Variants in KMT2C observed in about 807,000 individuals in gnomAD.
The protein encoded by KMT2C is lysine methyltransferase 2C.
KMT2C carries 88 observed loss-of-function variants against 507.9 expected under a neutral mutation model. The observed-to-expected ratio is 0.17, with a 90% CI of 0.15 to 0.21. The LOEUF (loss-of-function observed/expected upper bound fraction) is 0.21, where lower values mean the gene tolerates loss of function less well. Ranked by LOEUF, KMT2C falls within the 10% of genes least tolerant of loss-of-function variation. The pLI is 1.00. For missense variants in KMT2C, 4,954 were observed against 5,957.8 expected, an observed-to-expected ratio of 0.83 and a Z score of 5.55; for synonymous variants, 2,049 against 2,080.8, an observed-to-expected ratio of 0.98 and a Z score of 0.42.
At chr7:152,155,234 C>T (rs1255342954) in intron 46 of KMT2C, among the ~76,000 whole-genome samples, 1 of 152,154 alleles carries the variant, frequency 6.6e-6, no homozygotes, top group Non-Finnish European at 1.5e-5. Flanking sequence ...AGATTATTCT[C>T]CACTTCGGTC....
rs769377122 is a variant in KMT2C, at chr7:152,196,017, T to C, written c.4274-6A>G. ...TAATGGGTCATCAGCAGGACCTAAA[T>C]ATAGTAAATATGTTTTTTAAAATTT... On this transcript the variant is annotated splice_region_variant and splice_polypyrimidine_tract_variant and intron_variant, in intron 27 of 58. Transcript: ENST00000262189. The C allele has an allele frequency of 4.0e-6, 6 of 1,505,938 alleles. No individual in the cohort carries two copies. The Admixed American group carries it at 9.6e-5, about 24-fold the overall frequency. The allele number at this position is 1,505,938 out of a possible 1,614,324, so 93.3% of individuals were successfully genotyped here. A position where few individuals can be genotyped will look rare whatever the true frequency, so the allele number is the denominator to read the frequency against.
chr7:152,311,962 AAT>A lies in KMT2C; in HGVS notation c.591-18_591-17del. 2 of 1,532,388 alleles carry A rather than the reference AAT, an allele frequency of 1.3e-6. No homozygotes were observed. Among genetic ancestry groups the A allele is most frequent in the Non-Finnish European group, 1.8e-6 (2 of 1,125,508 alleles). The allele number at this position is 1,532,388 out of a possible 1,614,324, so 94.9% of individuals were successfully genotyped here. On this transcript the variant is annotated splice_polypyrimidine_tract_variant and intron_variant, in intron 4 of 58. Transcript: ENST00000262189. ...AGATCGTTCTCTGAAAATAAAATAAAATAACTGTGAAAGTGAAAACAAGCAGA... is the reference window on the plus strand; with the variant it reads ...AGATCGTTCTCTGAAAATAAAATAAAAACTGTGAAAGTGAAAACAAGCAGA...
At chr7:152,205,535 A>G (rs1273038231) in intron 24 of KMT2C, among the ~76,000 whole-genome samples, 2 of 152,290 alleles carry the variant, frequency 1.3e-5, no homozygotes, top group African/African-American at 2.4e-5. Context: ...TATTTGACAA[A>G]TATTAGTGCC....
intron 20 of KMT2C, among the ~76,000 whole-genome samples, chr7:152,223,405 C>T (rs965540651): frequency 2.4e-4 from 37 of 151,950 alleles, no homozygotes; most frequent in Non-Finnish European, 5.4e-4. Context: ...TTAGAAGATT[C>T]AGAAACCCTT....
At chr7:152,432,324 G>A (rs2097870179) in intron 1 of KMT2C, among the ~76,000 whole-genome samples, 1 of 152,132 alleles carries the variant, frequency 6.6e-6, no homozygotes, top group South Asian at 2.1e-4. Context: ...AATTTACAGT[G>A]TAAGGATGGA....
chr7:152,255,157 A>ATATATATATATATATGTG (rs767823858), intron 9 of KMT2C, among the ~76,000 whole-genome samples: 1 of 128,376 alleles, frequency 7.8e-6, no homozygotes, highest in African/African-American at 3.0e-5. Context: ...ATATATATAT[A>ATATATATATATATATGTG]TGTGTGTGTG....
intron 39 of KMT2C, among the ~76,000 whole-genome samples, chr7:152,172,898 C>T (rs1019273877): frequency 6.6e-6 from 1 of 152,044 alleles, no homozygotes; most frequent in Non-Finnish European, 1.5e-5. Flanking sequence ...TTTGTTAATA[C>T]TTTAAGGAAC....
chr7:152,354,071 CT>C (rs2097134362), intron 2 of KMT2C, among the ~76,000 whole-genome samples: 1 of 152,106 alleles, frequency 6.6e-6, no homozygotes, highest in African/African-American at 2.4e-5. Flanking sequence ...GGACAATGGA[CT>C]TTCCAAGGAC....
At chr7:152,406,906 TGGTGGTAATGG>T (rs2097621528) in intron 1 of KMT2C, among the ~76,000 whole-genome samples, 9 of 111,404 alleles carry the variant, frequency 8.1e-5, no homozygotes, top group African/African-American at 2.9e-4. Context: ...GAAGAGGTAG[TGGTGGTAATGG>T]TTTCTTCTTG....
At chr7:152,301,561 T>C (rs1332356138) in intron 6 of KMT2C, among the ~76,000 whole-genome samples, 1 of 151,796 alleles carries the variant, frequency 6.6e-6, no homozygotes, top group Non-Finnish European at 1.5e-5. Flanking sequence ...GTGGCATGCA[T>C]TTGTGATCCC....
At chr7:152,168,837 T>C (rs1024824663) in intron 41 of KMT2C, among the ~76,000 whole-genome samples, 2 of 152,184 alleles carry the variant, frequency 1.3e-5, no homozygotes, top group Non-Finnish European at 2.9e-5. Flanking sequence ...TTTAGTGTCC[T>C]TGTCACTTAG....
chr7:152,267,339 A>G (rs1213072916), intron 7 of KMT2C, among the ~76,000 whole-genome samples: 1 of 152,222 alleles, frequency 6.6e-6, no homozygotes, highest in East Asian at 1.9e-4. Context: ...CAACTGCTCT[A>G]AAGTGAAACT....
In KMT2C at chr7:152,187,412, G is replaced by A. The variant is rs1415857739; in HGVS notation, c.4858C>T (p.Pro1620Ser). The A allele has an allele frequency of 1.2e-6, 2 of 1,614,088 alleles. No homozygotes were observed. The highest frequency in any genetic ancestry group is 1.7e-6 in the Non-Finnish European group (2 of 1,179,998). The part of the protein sequence containing the change: ...DPNNSWTSSA[P>S]TVEGENDTMS... ...GTGTCATTTTCTCCTTCCACAGTGG[G>A]AGCTGATGATGTCCAAGAGTTGTTA... The change falls in exon 33 of 59, where the codon CCC becomes TCC. Residue 1620 changes from proline to serine, a missense_variant. Transcript: ENST00000262189.
intron 1 of KMT2C, among the ~76,000 whole-genome samples, chr7:152,387,899 G>A (rs2097446750): frequency 6.6e-6 from 1 of 151,932 alleles, no homozygotes. Context: ...GATAACCTCT[G>A]GGGAGTAAAA....
At chr7:152,388,692 A>G (rs1003048904) in intron 1 of KMT2C, among the ~76,000 whole-genome samples, 5 of 152,306 alleles carry the variant, frequency 3.3e-5, no homozygotes, top group Non-Finnish European at 7.3e-5. Context: ...CAATATATTA[A>G]AATTTTAAAA....
chr7:152,192,635 C>T (rs932739796), intron 31 of KMT2C, among the ~76,000 whole-genome samples: 8 of 151,800 alleles, frequency 5.3e-5, no homozygotes, highest in African/African-American at 1.9e-4. Flanking sequence ...ACATGTTTAG[C>T]CTAGCAAAAA....
chr7:152,249,836 G>C (rs73481063), intron 13 of KMT2C, 40 bp downstream of exon 13: 2 of 1,235,888 alleles, frequency 1.6e-6, no homozygotes, highest in South Asian at 1.2e-5. Flanking sequence ...ACATTATCTT[G>C]TAACTCAATC....
intron 6 of KMT2C, among the ~76,000 whole-genome samples, chr7:152,290,379 C>T (rs1373913415): frequency 3.7e-5 from 5 of 135,916 alleles, no homozygotes; most frequent in African/African-American, 1.3e-4. Flanking sequence ...GGCACAATCT[C>T]GGCTCACTGC....
chr7:152,433,645 T>G (rs1226670119), intron 1 of KMT2C, among the ~76,000 whole-genome samples: 1 of 152,284 alleles, frequency 6.6e-6, no homozygotes, highest in Non-Finnish European at 1.5e-5. Flanking sequence ...TTGTTCTAAA[T>G]ATTTCCAAAA....
Sources: allele counts gnomAD v4.1 joint callset (sites outside exome capture counted in the v4.1 genomes callset), GRCh38; gene constraint gnomAD v4.1.1; transcripts MANE v1.5; gene names NCBI Gene and HGNC (gene_info 2026-07-23, HGNC 2026-07-21).